The following TTBK2 variants were observed in gnomAD, a reference collection of about 807,000 sequenced individuals.
TTBK2 encodes the protein tau-tubulin kinase 2.
In TTBK2, 28 loss-of-function variants were observed where a neutral mutation model predicts 110.8. That is an observed-to-expected ratio of 0.25 (90% CI 0.19 to 0.35). The LOEUF (loss-of-function observed/expected upper bound fraction) is 0.35, where lower values mean the gene tolerates loss of function less well. Ranked by LOEUF, TTBK2 falls within the 10% of genes least tolerant of loss-of-function variation. The probability of loss-of-function intolerance (pLI) is 1.00; values close to 1 mark genes in which losing one functional copy is unlikely to be tolerated. For synonymous variants in TTBK2, 532 were observed against 527.3 expected, an observed-to-expected ratio of 1.01 and a Z score of -0.12; for missense variants, 1,369 against 1,500.3, an observed-to-expected ratio of 0.91 and a Z score of 1.45.
At chr15:42,881,796 A>C (rs1449332708) in intron 1 of TTBK2, among the ~76,000 whole-genome samples, 2 of 151,952 alleles carry the variant, frequency 1.3e-5, no homozygotes, top group African/African-American at 4.8e-5. Flanking sequence ...GCTTGAACCC[A>C]GGAGGTGGAG....
intron 1 of TTBK2, among the ~76,000 whole-genome samples, chr15:42,911,932 C>G (rs1482487874): frequency 6.6e-6 from 1 of 150,550 alleles, no homozygotes; most frequent in Admixed American, 6.6e-5. Context: ...ATGAAATATA[C>G]TAACACTAAC....
At chr15:42,833,198 A>G (rs538177038) in intron 4 of TTBK2, among the ~76,000 whole-genome samples, 18 of 151,588 alleles carry the variant, frequency 1.2e-4, no homozygotes, top group African/African-American at 4.1e-4. Flanking sequence ...CCAAACCTAA[A>G]ATAAAAATCT....
chr15:42,835,486 C>T (rs1892949297), intron 4 of TTBK2, among the ~76,000 whole-genome samples: 1 of 152,104 alleles, frequency 6.6e-6, no homozygotes, highest in South Asian at 2.1e-4. Context: ...CAAATTCCTC[C>T]ATTTTTATCA....
intron 13 of TTBK2, among the ~76,000 whole-genome samples, chr15:42,762,535 G>A (rs2140663839): frequency 6.6e-6 from 1 of 152,198 alleles, no homozygotes; most frequent in East Asian, 1.9e-4. Flanking sequence ...TGGCCAACAT[G>A]GTGAAACCCA....
At chr15:42,801,774 G>A (rs1264493031) in intron 9 of TTBK2, 10 of 818,628 alleles carry the variant, frequency 1.2e-5, no homozygotes, top group Non-Finnish European at 2.2e-5. Context: ...GCTCTTTCAG[G>A]GAAGACTCCA....
chr15:42,855,574 T>C (rs1164822170), intron 3 of TTBK2, among the ~76,000 whole-genome samples: 1 of 152,212 alleles, frequency 6.6e-6, no homozygotes, highest in Non-Finnish European at 1.5e-5. Context: ...AGGATAATGA[T>C]TTCAATGGTT....
At chr15:42,813,225 T>TA (rs1453408617) in intron 7 of TTBK2, among the ~76,000 whole-genome samples, 1 of 152,052 alleles carries the variant, frequency 6.6e-6, no homozygotes, top group African/African-American at 2.4e-5. Context: ...AGTATTCAAA[T>TA]AAAAAGGACA....
chr15:42,828,722 C>CAAA (rs1223349148), intron 5 of TTBK2, among the ~76,000 whole-genome samples: 1 of 50,636 alleles, frequency 2.0e-5, no homozygotes, highest in Non-Finnish European at 4.2e-5. Context: ...GACTCTGTCA[C>CAAA]AAAAAAAAAA....
intron 12 of TTBK2, among the ~76,000 whole-genome samples, chr15:42,776,193 T>C (rs1272607367): frequency 6.6e-6 from 1 of 152,246 alleles, no homozygotes; most frequent in Non-Finnish European, 1.5e-5. Flanking sequence ...CAGAAGTGGC[T>C]GAATTGTCTT....
chr15:42,878,549 C>G lies in TTBK2; in HGVS notation c.69G>C (p.Val23=). Residue 23 remains valine, a splice_region_variant and synonymous_variant, in exon 2 of 15, where the codon GTG becomes GTC. Transcript: ENST00000267890. ...CACACTCTCTGAGATGTACACTCAC[C>G]ACTTTCCATCTTTCTTTCACTAGGA... ...VGILVKERWK[V]LRKIGGGGFG... is the part of the protein sequence containing the mutation. 6.2e-7 allele frequency: 1 copy of G among 1,611,366 alleles called. No homozygotes were observed. Among genetic ancestry groups the G allele is most frequent in the Non-Finnish European group, 8.5e-7 (1 of 1,179,426 alleles).
intron 14 of TTBK2, among the ~76,000 whole-genome samples, chr15:42,748,177 C>A (rs1431325190): frequency 1.3e-5 from 2 of 152,034 alleles, no homozygotes; most frequent in Non-Finnish European, 2.9e-5. Flanking sequence ...GAAAATAACC[C>A]AGGGCACGGT....
At chr15:42,749,478 G>A (rs1290995837) in intron 14 of TTBK2, among the ~76,000 whole-genome samples, 1 of 152,212 alleles carries the variant, frequency 6.6e-6, no homozygotes, top group East Asian at 1.9e-4. Flanking sequence ...CCCCATGGCA[G>A]GCAGCTGTGC....
chr15:42,840,742 C>A, intron 3 of TTBK2: 1 of 433,546 alleles, frequency 2.3e-6, no homozygotes, highest in Non-Finnish European at 4.2e-6. Flanking sequence ...GATCAACCTG[C>A]CCAGATACAA....
intron 13 of TTBK2, among the ~76,000 whole-genome samples, chr15:42,765,682 G>A (rs1044126917): frequency 6.6e-6 from 1 of 152,212 alleles, no homozygotes; most frequent in African/African-American, 2.4e-5. Context: ...GAACCAAGCT[G>A]CAAAACACTC....
intron 7 of TTBK2, among the ~76,000 whole-genome samples, chr15:42,813,483 G>C (rs1766842567): frequency 6.6e-6 from 1 of 151,754 alleles, no homozygotes; most frequent in African/African-American, 2.4e-5. Context: ...GACCATACCA[G>C]TATACTCCAG....
intron 10 of TTBK2, among the ~76,000 whole-genome samples, chr15:42,787,655 T>C (rs556855714): frequency 6.6e-6 from 1 of 152,348 alleles, no homozygotes; most frequent in South Asian, 2.1e-4. Context: ...ATAAGTATCA[T>C]CAGTAATGAG....
chr15:42,911,429 T>G (rs1379162954), intron 1 of TTBK2, among the ~76,000 whole-genome samples: 1 of 152,202 alleles, frequency 6.6e-6, no homozygotes. Context: ...TAGCAAGACC[T>G]TGTCTCTAAC....
At chr15:42,807,553 T>C (rs1037639688) in intron 9 of TTBK2, among the ~76,000 whole-genome samples, 1 of 151,766 alleles carries the variant, frequency 6.6e-6, no homozygotes, top group African/African-American at 2.4e-5. Context: ...GGACTACAGG[T>C]GCATGCTACC....
intron 13 of TTBK2, among the ~76,000 whole-genome samples, chr15:42,754,581 G>T (rs570599648): frequency 6.6e-6 from 1 of 150,898 alleles, no homozygotes; most frequent in South Asian, 2.1e-4. Flanking sequence ...ATTTTTAGTA[G>T]AGACGGGGTT....
Sources: allele counts gnomAD v4.1 joint callset (sites outside exome capture counted in the v4.1 genomes callset), GRCh38; gene constraint gnomAD v4.1.1; transcripts MANE v1.5; gene names NCBI Gene and HGNC (gene_info 2026-07-23, HGNC 2026-07-21).